Variants in ZNF451 observed in about 807,000 individuals in gnomAD.
ZNF451 encodes E3 SUMO-protein ligase ZNF451.
Under a neutral mutation model 107.1 loss-of-function variants are expected in ZNF451, and 80 were observed. That is an observed-to-expected ratio of 0.75 (90% CI 0.62 to 0.90). The LOEUF is 0.90. Ranked by LOEUF, ZNF451 falls within the 40% of genes least tolerant of loss-of-function variation. The pLI, the probability that ZNF451 is intolerant of heterozygous loss-of-function variation, is 0.00. For missense variants in ZNF451, 1,107 were observed against 1,236.2 expected (o/e 0.90, Z 1.57); for synonymous variants, 362 against 406.5 (o/e 0.89, Z 1.32).
chr6:57,110,806 C>A (rs973111515), intron 3 of ZNF451, among the ~76,000 whole-genome samples: 4 of 152,056 alleles, frequency 2.6e-5, no homozygotes, highest in Non-Finnish European at 4.4e-5. Context: ...GGGTTGTAGA[C>A]CTTGTCCCAG....
At chr6:57,160,497 C>G (rs533744666) in intron 13 of ZNF451, among the ~76,000 whole-genome samples, 2 of 152,146 alleles carry the variant, frequency 1.3e-5, no homozygotes, top group Admixed American at 1.3e-4. Context: ...CCATACCTGG[C>G]TAATTTTTTG....
At chr6:57,093,085 TC>T (rs1562583374) in intron 2 of ZNF451, 1 of 152,344 alleles carries the variant, frequency 6.6e-6, no homozygotes, top group East Asian at 1.9e-4. Flanking sequence ...AGTAATATGA[TC>T]CTTTATTCAA....
chr6:57,101,059 A>T, intron 3 of ZNF451: 4 of 1,550,680 alleles, frequency 2.6e-6, no homozygotes, highest in Middle Eastern at 3.3e-4. Context: ...GCCAAGTGAG[A>T]ACTCCTCAGT....
chr6:57,099,251 A>G (rs886598810), intron 3 of ZNF451, 110 bp downstream of exon 3: 5 of 854,894 alleles, frequency 5.8e-6, no homozygotes, highest in Non-Finnish European at 7.6e-6. Context: ...AGCCAGTTCT[A>G]TTAGAATGGG....
At chr6:57,159,555 A>G (rs370776612) in intron 13 of ZNF451, 2 of 124,528 alleles carry the variant, frequency 1.6e-5, no homozygotes, top group Non-Finnish European at 2.1e-5. Context: ...GCGTTTTCTT[A>G]TTTTGCTCAT....
chr6:57,110,265 T>G (rs1258053294), intron 3 of ZNF451, among the ~76,000 whole-genome samples: 3 of 152,178 alleles, frequency 2.0e-5, no homozygotes. Flanking sequence ...ACTAAATAGA[T>G]GATGATAAAT....
At position 57,139,742 on chromosome 6, in the gene ZNF451, A is replaced by G. The variant is rs562831162; in HGVS notation, c.703-1560A>G. On this transcript the variant is annotated intron_variant, in intron 7 of 14. Transcript: ENST00000370706. Reference sequence around the variant, plus strand: ...AAGACATACTTATTTGACTGTGTCAAATTTAAAAAGTGACCATAGGCCGAG... The same window carrying G: ...AAGACATACTTATTTGACTGTGTCAGATTTAAAAAGTGACCATAGGCCGAG... 1.2e-4 allele frequency among the ~76,000 whole-genome samples: 18 copies of G among 152,310 alleles called. No individual in the cohort carries two copies. In the South Asian group the frequency reaches 3.7e-3, roughly 32 times the overall value.
intron 11 of ZNF451, chr6:57,151,937 GAAT>G (rs1832371155): frequency 6.8e-6 from 2 of 296,290 alleles, no homozygotes; most frequent in South Asian, 1.1e-4. Context: ...TACACTTATA[GAAT>G]AATGCCATTC....
Position 57,101,449 on chromosome 6 carries a change from G to A in ZNF451, c.186+2308G>A, listed in dbSNP as rs530451478. On this transcript the variant is annotated intron_variant, in intron 3 of 14. Transcript: ENST00000370706. Reference sequence around the variant, plus strand: ...TCCTTTCCAACCAAACCCACCAGCTGAAGGCCCCATTGTAGAAGCATTAGA... The same window carrying A: ...TCCTTTCCAACCAAACCCACCAGCTAAAGGCCCCATTGTAGAAGCATTAGA... The A allele has an allele frequency of 1.6e-4, 246 of 1,550,774 alleles. 1 individual carries two copies. The African/African-American group carries it at 3.0e-3, about 19-fold the overall frequency.
In ZNF451 at chr6:57,152,310, A is replaced by G. The variant is rs777665460; in HGVS notation, c.2842A>G (p.Ser948Gly). ...ATGCTTCTTCCTTCATCCTCGCTGTAGTAAAAGAAAAGATGCTGCTGATTT... is the reference window on the plus strand; with the variant it reads ...ATGCTTCTTCCTTCATCCTCGCTGTGGTAAAAGAAAAGATGCTGCTGATTT... Reference protein sequence around the residue: ...IGCFFLHPRCSKRKDAADFAI... With the variant: ...IGCFFLHPRCGKRKDAADFAI... The change falls in exon 12 of 15, where the codon AGT (serine) becomes GGT (glycine). Residue 948 changes from serine to glycine, a missense_variant. Physicochemically the swap from Ser to Gly is moderately conservative, Grantham distance 56 (BLOSUM62 0). Coordinates refer to ENST00000370706, the MANE Select transcript of ZNF451 (RefSeq NM_001031623.3). The G allele has an allele frequency of 2.5e-6, 4 of 1,614,028 alleles. No homozygotes were observed. The African/African-American group carries it at 5.3e-5, about 22-fold the overall frequency.
Position 57,147,465 on chromosome 6 carries a change from T to C in ZNF451, c.1380T>C (p.Ala460=), listed in dbSNP as rs754072570. 3 of 1,614,142 alleles carry C rather than the reference T, an allele frequency of 1.9e-6. No homozygotes were observed. The highest frequency in any genetic ancestry group is 2.2e-5 in the South Asian group (2 of 91,080). Residue 460 remains alanine (A), a synonymous_variant, in exon 10 of 15, where the codon GCT becomes GCC. Coordinates refer to ENST00000370706, the MANE Select transcript of ZNF451 (RefSeq NM_001031623.3). ...NLKDKSHEGV[A]CVQKEKSVVK... ...AAGATAAAAGCCATGAAGGTGTTGC[T>C]TGTGTCCAGAAAGAAAAATCAGTAG...
chr6:57,144,267 G>T (rs1452941665), intron 9 of ZNF451, among the ~76,000 whole-genome samples: 3 of 132,060 alleles, frequency 2.3e-5, no homozygotes, highest in East Asian at 2.1e-4. Context: ...TAAAGATAGG[G>T]TCTCTGTCTG....
At chr6:57,131,518 C>T (rs1224177027) in intron 5 of ZNF451, among the ~76,000 whole-genome samples, 5 of 152,066 alleles carry the variant, frequency 3.3e-5, no homozygotes, top group African/African-American at 1.2e-4. Flanking sequence ...AGTATATTGC[C>T]ATTTTAATGC....
At chr6:57,131,551 T>C (rs1468379190) in intron 5 of ZNF451, among the ~76,000 whole-genome samples, 1 of 152,200 alleles carries the variant, frequency 6.6e-6, no homozygotes, top group Non-Finnish European at 1.5e-5. Context: ...AAAATATGAT[T>C]AATTCCATGC....
At position 57,147,216 on chromosome 6, in the gene ZNF451, C is replaced by A; in HGVS notation, c.1131C>A (p.Thr377=). 1 of 1,613,956 alleles carries A rather than the reference C, an allele frequency of 6.2e-7. No individual in the cohort carries two copies. The highest frequency in any genetic ancestry group is 1.3e-5 in the African/African-American group (1 of 74,990). Residue 377 remains threonine (T), a synonymous_variant, in exon 10 of 15, where the codon ACC becomes ACA. Coordinates refer to ENST00000370706, the MANE Select transcript of ZNF451 (RefSeq NM_001031623.3). ...AAGTCTTTGTGGATGAAACCAGCAC[C>A]CAAAATCATAAGCAGAATTCAGGAC... The part of the protein sequence containing the change: ...CNQVFVDETS[T]QNHKQNSGHK...
At chr6:57,109,433 C>T (rs1037696052) in intron 3 of ZNF451, 15 of 985,222 alleles carry the variant, frequency 1.5e-5, no homozygotes, top group Non-Finnish European at 1.8e-5. Context: ...GTTTTCTGAG[C>T]CTCAGTTTTC....
intron 3 of ZNF451, chr6:57,106,555 C>G (rs891858386): frequency 1.0e-6 from 1 of 960,332 alleles, no homozygotes; most frequent in South Asian, 4.8e-5. Context: ...ATCCGCCCGC[C>G]TTGGCCTCCC....
At chr6:57,133,848 G>C (rs567651045) in intron 6 of ZNF451, among the ~76,000 whole-genome samples, 1 of 152,140 alleles carries the variant, frequency 6.6e-6, no homozygotes, top group Admixed American at 6.5e-5. Flanking sequence ...GCTAATTTTT[G>C]TATTTTTTGC....
chr6:57,109,463 T>C, intron 3 of ZNF451: 8 of 985,486 alleles, frequency 8.1e-6, no homozygotes, highest in Non-Finnish European at 9.6e-6. Context: ...AATGAGGTAA[T>C]ATCCGAAAGT....
Sources: allele counts gnomAD v4.1 joint callset (sites outside exome capture counted in the v4.1 genomes callset), GRCh38; gene constraint gnomAD v4.1.1; transcripts MANE v1.5; gene names NCBI Gene and HGNC (gene_info 2026-07-23, HGNC 2026-07-21).